NUBP1: variants seen among roughly 807,000 people sequenced by gnomAD.
NUBP1 encodes the protein cytosolic Fe-S cluster assembly factor NUBP1.
A neutral mutation model predicts 41.8 loss-of-function variants in NUBP1; 46 were observed. The ratio of observed to expected loss-of-function variants is 1.10; its 90% CI spans 0.87 to 1.41. The LOEUF (loss-of-function observed/expected upper bound fraction) is 1.41, where lower values mean the gene tolerates loss of function less well. NUBP1 is among the 40% of genes most tolerant of loss of function. The pLI, the probability that NUBP1 is intolerant of heterozygous loss-of-function variation, is 0.00. For synonymous variants in NUBP1, 189 were observed against 154.6 expected (o/e 1.22, Z -1.65); for missense variants, 494 against 414.0 (o/e 1.19, Z -1.68).
At position 10,767,006 on chromosome 16, in the gene NUBP1, A is replaced by T; in HGVS notation, c.821-943A>T. On this transcript the variant is annotated intron_variant, in intron 9 of 10. Coordinates refer to ENST00000283027, the MANE Select transcript of NUBP1 (RefSeq NM_002484.4). The surrounding 1 kb of genome is among the most constrained non-coding windows in gnomAD (Gnocchi z 4.6). ...CCCCTCCCCACAGGCTTCTTCCCCGACTTGGACTTCCCTGTCCCACAGGGC... is the reference window on the plus strand; with the variant it reads ...CCCCTCCCCACAGGCTTCTTCCCCGTCTTGGACTTCCCTGTCCCACAGGGC... 2.5e-6 allele frequency: 1 copy of T among 398,570 alleles called. No homozygotes were observed. 24.7% of individuals were successfully genotyped at this position (398,570 alleles called of 1,614,324 possible).
chr16:10,752,359 A>G (rs1900358437), intron 3 of NUBP1, among the ~76,000 whole-genome samples: 1 of 152,190 alleles, frequency 6.6e-6, no homozygotes, highest in African/African-American at 2.4e-5. Context: ...GTGACCTGAC[A>G]GCCAGGTCTG....
chr16:10,747,292 C>A lies in NUBP1; in HGVS notation c.258+16C>A. ...AAACACACAGGTGAGACCTCAGGAA[C>A]CACTGGGAGATGCTCATTTTGTCTG... On this transcript the variant is annotated intron_variant, in intron 3 of 10. Transcript: ENST00000283027. 1 of 1,611,600 alleles carries A rather than the reference C, an allele frequency of 6.2e-7. No individual in the cohort carries two copies. The highest frequency in any genetic ancestry group is 8.5e-7 in the Non-Finnish European group (1 of 1,179,306).
rs1348084535 is a variant in NUBP1, at chr16:10,748,029, C to T, written c.258+753C>T. On this transcript the variant is annotated intron_variant, in intron 3 of 10. Coordinates refer to ENST00000283027, the MANE Select transcript of NUBP1 (RefSeq NM_002484.4). Reference sequence around the variant, plus strand: ...TTGCTATGATCAGGACTCATTGCAACCTCTACTTCCTGGGCTCATCAAGCT... The same window carrying T: ...TTGCTATGATCAGGACTCATTGCAATCTCTACTTCCTGGGCTCATCAAGCT... 3.3e-5 allele frequency among the ~76,000 whole-genome samples: 5 copies of T among 152,242 alleles called. No homozygotes were observed. The South Asian group carries it at 1.0e-3, about 32-fold the overall frequency.
At chr16:10,753,128 A>G (rs536512222) in intron 4 of NUBP1, among the ~76,000 whole-genome samples, 4 of 152,132 alleles carry the variant, frequency 2.6e-5, no homozygotes, top group Non-Finnish European at 5.9e-5. Flanking sequence ...GAGCTCATAC[A>G]TGCTCAGTAG....
chr16:10,757,014 C>A lies in NUBP1; in HGVS notation c.451+234C>A, dbSNP rs1031325073. ...TTTTCTCTCCTTAAAAGCTGTAGAA[C>A]CCTGGTCGGGTGTGGTAGCTCACGC... On this transcript the variant is annotated intron_variant, in intron 6 of 10. Coordinates refer to ENST00000283027, the MANE Select transcript of NUBP1 (RefSeq NM_002484.4). The surrounding 1 kb of genome is among the most constrained non-coding windows in gnomAD (Gnocchi z 4.1). Among the ~76,000 whole-genome samples the A allele has an allele frequency of 2.0e-5, 3 of 152,144 alleles. No homozygotes were observed. Among genetic ancestry groups the A allele is most frequent in the South Asian group, 4.1e-4 (2 of 4,830 alleles).
At chr16:10,756,148 C>A (rs1040101763) in intron 5 of NUBP1, among the ~76,000 whole-genome samples, 2 of 152,130 alleles carry the variant, frequency 1.3e-5, no homozygotes, top group Non-Finnish European at 2.9e-5. Context: ...GGAGGCCAAG[C>A]CAGGCAGATC....
chr16:10,762,445 C>T (rs369174939), intron 9 of NUBP1, among the ~76,000 whole-genome samples: 5 of 152,334 alleles, frequency 3.3e-5, no homozygotes, highest in African/African-American at 4.8e-5. Flanking sequence ...CGGGGTTTCA[C>T]GTCTCCACCC....
In NUBP1 at chr16:10,757,856, T is replaced by G; in HGVS notation, c.452-17T>G. The G allele has an allele frequency of 6.2e-7, 1 of 1,607,556 alleles. No homozygotes were observed. Among genetic ancestry groups the G allele is most frequent in the Non-Finnish European group, 8.5e-7 (1 of 1,174,650 alleles). On this transcript the variant is annotated splice_polypyrimidine_tract_variant and intron_variant, in intron 6 of 10. Transcript: ENST00000283027. The surrounding 1 kb of genome is among the most constrained non-coding windows in gnomAD (Gnocchi z 4.1). Reference sequence around the variant, plus strand: ...AGAAAGGAAAAGTAAGCATCCCCTGTGGATTCCTCTTTCTAGGCATGATCA... The same window carrying G: ...AGAAAGGAAAAGTAAGCATCCCCTGGGGATTCCTCTTTCTAGGCATGATCA...
At chr16:10,750,165 T>G (rs770680164) in intron 3 of NUBP1, among the ~76,000 whole-genome samples, 3 of 152,126 alleles carry the variant, frequency 2.0e-5, no homozygotes, top group Non-Finnish European at 2.9e-5. Context: ...GCCACTGCAC[T>G]CCAGCCTGGG....
rs189968955 is a variant in NUBP1 at position 10,754,328 on chromosome 16, C to T, written c.328-1393C>T. 2.1e-3 allele frequency among the ~76,000 whole-genome samples: 321 copies of T among 152,112 alleles called. 1 individual carries two copies. The highest frequency in any genetic ancestry group is 5.4e-3 in the East Asian group (28 of 5,154). On this transcript the variant is annotated intron_variant, in intron 4 of 10. Transcript: ENST00000283027. ...CGCGATCTCGGCTCACCACAACCTC[C>T]GCCTCCCGGGCTCAAGCAGTTCTCC...
In NUBP1 at chr16:10,755,741, C is replaced by T; in HGVS notation, c.348C>T (p.Gly116=). 6.2e-7 allele frequency: 1 copy of T among 1,614,154 alleles called. No individual in the cohort carries two copies. Among genetic ancestry groups the T allele is most frequent in the Non-Finnish European group, 8.5e-7 (1 of 1,180,014 alleles). Residue 116 remains glycine, a synonymous_variant, in exon 5 of 11, where the codon GGC becomes GGT. Coordinates refer to ENST00000283027, the MANE Select transcript of NUBP1 (RefSeq NM_002484.4). ...CACAGGTTCACCAGAGTGGCTCAGGCTGGTCTCCAGTGGTGAGTTTTCACC... is the reference window on the plus strand; with the variant it reads ...CACAGGTTCACCAGAGTGGCTCAGGTTGGTCTCCAGTGGTGAGTTTTCACC... ...EGEQVHQSGS[G]WSPVYVEDNL...
chr16:10,753,631 C>A (rs1209292598), intron 4 of NUBP1, among the ~76,000 whole-genome samples: 1 of 151,972 alleles, frequency 6.6e-6, no homozygotes, highest in Non-Finnish European at 1.5e-5. Flanking sequence ...GAACAAGGTC[C>A]ATGAAGACCC....
chr16:10,768,929 T>C lies in NUBP1; in HGVS notation c.905-118T>C. 2 of 837,882 alleles carry C rather than the reference T, an allele frequency of 2.4e-6. No individual in the cohort carries two copies. Among genetic ancestry groups the C allele is most frequent in the East Asian group, 2.5e-5 (1 of 40,422 alleles). 51.9% of individuals were successfully genotyped at this position (837,882 alleles called of 1,614,324 possible). ...AGGGCATCACAGACACAGGTCTTTT[T>C]ATGGAACTAGCCAGAGGATTCCACC... On this transcript the variant is annotated intron_variant, in intron 10 of 10. Transcript: ENST00000283027. This position sits in a 1 kb window ranked among gnomAD's most constrained non-coding sequence, Gnocchi z 4.3.
In NUBP1 at chr16:10,767,629, C is replaced by T. The variant is rs867589439; in HGVS notation, c.821-320C>T. 4 of 434,044 alleles carry T rather than the reference C, an allele frequency of 9.2e-6. No individual in the cohort carries two copies. Among genetic ancestry groups the T allele is most frequent in the Non-Finnish European group, 1.2e-5 (3 of 246,442 alleles). The allele number at this position is 434,044 out of a possible 1,614,324, so 26.9% of individuals were successfully genotyped here. A position where few individuals can be genotyped will look rare whatever the true frequency, so the allele number is the denominator to read the frequency against. ...TTTTTAACCATGTGCATTCATGATC[C>T]TTTCACTCAAAAGCTAATCTCTTAA... On this transcript the variant is annotated intron_variant, in intron 9 of 10. Transcript: ENST00000283027. This position sits in a 1 kb window ranked among gnomAD's most constrained non-coding sequence, Gnocchi z 4.6.
In NUBP1 at chr16:10,765,377, T is replaced by G. The variant is rs535040566; in HGVS notation, c.821-2572T>G. On this transcript the variant is annotated intron_variant, in intron 9 of 10. Coordinates refer to ENST00000283027, the MANE Select transcript of NUBP1 (RefSeq NM_002484.4). This position sits in a 1 kb window ranked among gnomAD's most constrained non-coding sequence, Gnocchi z 4.0. ...AAAAAATTCACCCAGTGTGGTGGCA[T>G]GTGCCTGTGGTCCCAGCTACTCAGG... Among the ~76,000 whole-genome samples the G allele has an allele frequency of 1.4e-5, 2 of 147,638 alleles. No individual in the cohort carries two copies. Among genetic ancestry groups the G allele is most frequent in the East Asian group, 2.0e-4 (1 of 5,054 alleles).
rs753391157 is a variant in NUBP1, at chr16:10,761,716, C to CA, written c.718-34dup. On this transcript the variant is annotated intron_variant, in intron 8 of 10. Transcript: ENST00000283027. ...AATGTGGTCCATCCTTGTGATTCTG[C>CA]AAAAAAATTATGTTTCCTCCCCTTT... 7 of 1,527,544 alleles carry CA rather than the reference C, an allele frequency of 4.6e-6. No individual in the cohort carries two copies. The East Asian group carries it at 9.1e-5, about 20-fold the overall frequency. The allele number at this position is 1,527,544 out of a possible 1,614,324, so 94.6% of individuals were successfully genotyped here. A position where few individuals can be genotyped will look rare whatever the true frequency, so the allele number is the denominator to read the frequency against.
At position 10,764,837 on chromosome 16, in the gene NUBP1, G is replaced by A. The variant is rs8050458; in HGVS notation, c.820+2978G>A. 1.1e-3 allele frequency among the ~76,000 whole-genome samples: 79 copies of A among 69,396 alleles called. 5 individuals are homozygous for A. The highest frequency in any genetic ancestry group is 3.3e-3 in the East Asian group (5 of 1,514). The allele number at this position is 69,396 out of a possible 152,430, so 45.5% of individuals were successfully genotyped here. ...TCAGTCTGCTGGAGTATGTCAGTCT[G>A]TTGGAGCATCTGTCTGCTGGAGTAT... is the stretch of plus-strand genomic sequence containing the variant. On this transcript the variant is annotated intron_variant, in intron 9 of 10. Transcript: ENST00000283027.
chr16:10,744,056 C>CCGT lies in NUBP1; in HGVS notation c.117_118insTCG (p.Pro39_Asp40insSer). On this transcript the variant is annotated inframe_insertion, in exon 2 of 11. Transcript: ENST00000283027. Reference sequence around the variant, plus strand: ...GTGCGCTTCTGGAGCGGGGGCCACTCCGGACACGGGTGAGAAAAGGGCAAG... The same window carrying CCGT: ...GTGCGCTTCTGGAGCGGGGGCCACTCCGTCGGACACGGGTGAGAAAAGGGCAAG... The CCGT allele has an allele frequency of 6.3e-7, 1 of 1,578,322 alleles. No individual in the cohort carries two copies. Among genetic ancestry groups the CCGT allele is most frequent in the Non-Finnish European group, 8.6e-7 (1 of 1,167,586 alleles).
chr16:10,752,707 T>C (rs746959281), intron 4 of NUBP1, 29 bp downstream of exon 4: 4 of 1,592,660 alleles, frequency 2.5e-6, no homozygotes, highest in East Asian at 4.5e-5. Flanking sequence ...ACTCAGGAAA[T>C]TATTCTCTTA....
Sources: gnomAD v4.1 joint callset for allele counts (sites outside exome capture counted in the v4.1 genomes callset) on GRCh38, gnomAD v4.1.1 for gene constraint, Gnocchi (gnomAD v3.1) non-coding constraint, MANE v1.5 for transcripts, NCBI Gene and HGNC (gene_info 2026-07-23, HGNC 2026-07-21) for gene names.